Variants in GALNT13 observed in about 807,000 individuals in gnomAD.
The protein encoded by GALNT13 is polypeptide N-acetylgalactosaminyltransferase 13, also known as UDP-GalNAc:polypeptide N-acetylgalactosaminyltransferase 13.
In GALNT13, 28 loss-of-function variants were observed where a neutral mutation model predicts 64.2. The observed-to-expected ratio is 0.44, with a 90% CI of 0.32 to 0.60. The LOEUF (loss-of-function observed/expected upper bound fraction) is 0.60. Ranked by LOEUF, GALNT13 falls within the 20% of genes least tolerant of loss-of-function variation. GALNT13 has a pLI of 0.05. For missense variants in GALNT13, 577 were observed against 669.8 expected (o/e 0.86, Z 1.53); for synonymous variants, 214 against 224.6 (o/e 0.95, Z 0.42).
At chr2:153,374,717 G>A in the GALNT13 span, among the ~76,000 whole-genome samples, 13 of 152,070 alleles carry the variant, frequency 8.5e-5, no homozygotes, top group Non-Finnish European at 1.5e-4. Context: ...GAGGGAAGGA[G>A]ACTGAGGGCA....
chr2:153,387,249 A>G, the GALNT13 span, among the ~76,000 whole-genome samples: 1 of 152,138 alleles, frequency 6.6e-6, no homozygotes, highest in Non-Finnish European at 1.5e-5. Flanking sequence ...GCAGATTTAA[A>G]TAATATACAA....
At chr2:153,551,159 G>C in the GALNT13 span, among the ~76,000 whole-genome samples, 1 of 152,164 alleles carries the variant, frequency 6.6e-6, no homozygotes, top group Non-Finnish European at 1.5e-5. Context: ...CACCTGCCTT[G>C]TTTAGTCATT....
At chr2:153,722,866 A>C in the GALNT13 span, among the ~76,000 whole-genome samples, 2 of 150,978 alleles carry the variant, frequency 1.3e-5, no homozygotes, top group Non-Finnish European at 2.9e-5. Context: ...GCCGAATTCT[A>C]CCAGAGGTAC....
chr2:153,916,630 A>G (rs563000579), intron 2 of GALNT13, among the ~76,000 whole-genome samples: 25 of 152,262 alleles, frequency 1.6e-4, no homozygotes, highest in Admixed American at 2.6e-4. Flanking sequence ...CTGTGTTTAA[A>G]TGTTTCGGTG....
rs1202564472 is a variant in GALNT13 at position 154,140,436 on chromosome 2, A to G, written c.242A>G (p.Asn81Ser). The G allele has an allele frequency of 2.5e-6, 4 of 1,612,770 alleles. No individual in the cohort carries two copies. Among genetic ancestry groups the G allele is most frequent in the Non-Finnish European group, 2.5e-6 (3 of 1,179,056 alleles). Residue 81 changes from asparagine to serine, a missense_variant, in exon 4 of 13, where the codon AAT becomes AGT. This residue lies in a region of GALNT13 where 341 missense variants were observed against 379.3 expected (regional missense o/e 0.90). Transcript: ENST00000392825. ...AAAATGAAAGAGCTGTTTAAAATCA[A>G]TCAGTTTAACCTTATGGCCAGTGAT... ...QEKMKELFKI[N>S]QFNLMASDLI...
At chr2:153,794,684 C>A in the GALNT13 span, among the ~76,000 whole-genome samples, 9 of 152,162 alleles carry the variant, frequency 5.9e-5, no homozygotes, top group East Asian at 1.5e-3. Context: ...CTGCGCCCAG[C>A]TAATTTTTGT....
chr2:153,324,921 A>G, the GALNT13 span, among the ~76,000 whole-genome samples: 1 of 152,152 alleles, frequency 6.6e-6, no homozygotes, highest in African/African-American at 2.4e-5. Context: ...AATGTTCATC[A>G]GGGATATTGG....
intron 3 of GALNT13, among the ~76,000 whole-genome samples, chr2:154,016,216 T>A (rs1412948279): frequency 6.6e-6 from 1 of 152,208 alleles, no homozygotes; most frequent in Non-Finnish European, 1.5e-5. Context: ...CCATCTAAGC[T>A]TTTTAAATTG....
At chr2:153,253,306 G>C in the GALNT13 span, among the ~76,000 whole-genome samples, 2 of 145,502 alleles carry the variant, frequency 1.4e-5, no homozygotes, top group Non-Finnish European at 3.0e-5. Flanking sequence ...TGTGATTTTT[G>C]TACATTGATT....
intron 3 of GALNT13, among the ~76,000 whole-genome samples, chr2:154,087,354 G>T (rs117955699): frequency 6.6e-6 from 1 of 151,842 alleles, no homozygotes; most frequent in Non-Finnish European, 1.5e-5. Context: ...CACATTAACC[G>T]AAGACATGTT....
At chr2:154,410,973 T>G (rs1254661388) in intron 11 of GALNT13, among the ~76,000 whole-genome samples, 1 of 151,884 alleles carries the variant, frequency 6.6e-6, no homozygotes, top group East Asian at 1.9e-4. Flanking sequence ...TTGCTGGCAG[T>G]CCTATATCTT....
the GALNT13 span, among the ~76,000 whole-genome samples, chr2:153,219,547 A>G: frequency 6.6e-5 from 10 of 152,222 alleles, no homozygotes; most frequent in African/African-American, 2.2e-4. Context: ...GCTGAGCTAA[A>G]TAAGTACCAA....
At chr2:153,630,799 A>T in the GALNT13 span, among the ~76,000 whole-genome samples, 136 of 16,168 alleles carry the variant, frequency 8.4e-3, 3 homozygotes, top group South Asian at 0.039. Flanking sequence ...ATATATATAT[A>T]TATATATATT....
Position 154,139,326 on chromosome 2 carries a change from T to C in GALNT13, c.143-1011T>C, listed in dbSNP as rs143272777. Among the ~76,000 whole-genome samples, 68 of 151,974 alleles carry C rather than the reference T, an allele frequency of 4.5e-4. 2 individuals carry two copies. In the East Asian group the frequency reaches 0.012, roughly 27 times the overall value. Reference sequence around the variant, plus strand: ...ATGAAATGTTCTAACTTAAAAATTATTTTCATATGCATTATAGTCCTTATT... The same window carrying C: ...ATGAAATGTTCTAACTTAAAAATTACTTTCATATGCATTATAGTCCTTATT... On this transcript the variant is annotated intron_variant, in intron 3 of 12. Coordinates refer to ENST00000392825, the MANE Select transcript of GALNT13 (RefSeq NM_052917.4).
chr2:153,186,829 G>A, the GALNT13 span, among the ~76,000 whole-genome samples: 21 of 152,312 alleles, frequency 1.4e-4, no homozygotes, highest in African/African-American at 4.3e-4. Context: ...GCCTCCCAAA[G>A]TGCTGGGATT....
chr2:153,309,464 C>T, the GALNT13 span, among the ~76,000 whole-genome samples: 1 of 152,042 alleles, frequency 6.6e-6, no homozygotes, highest in South Asian at 2.1e-4. Flanking sequence ...AATAGAAAGT[C>T]ATCATCTTTC....
At chr2:153,894,907 G>C (rs1325761363) in intron 1 of GALNT13, among the ~76,000 whole-genome samples, 1 of 152,126 alleles carries the variant, frequency 6.6e-6, no homozygotes, top group African/African-American at 2.4e-5. Flanking sequence ...TGTGTAAAGG[G>C]AGGCATAGCT....
intron 3 of GALNT13, among the ~76,000 whole-genome samples, chr2:154,038,575 A>G (rs1698798517): frequency 6.6e-6 from 1 of 152,174 alleles, no homozygotes; most frequent in Admixed American, 6.6e-5. Flanking sequence ...AGACAACGTA[A>G]GTAGACTCCT....
the GALNT13 span, among the ~76,000 whole-genome samples, chr2:153,589,810 T>C: frequency 6.1e-3 from 923 of 152,180 alleles, 9 homozygotes; most frequent in Non-Finnish European, 9.8e-3. Context: ...CATGATTCAT[T>C]TACCTCCCAC....
Sources: gnomAD v4.1 joint callset for allele counts (sites outside exome capture counted in the v4.1 genomes callset) on GRCh38, gnomAD v4.1.1 for gene constraint, gnomAD v4.1.1 regional missense constraint, MANE v1.5 for transcripts, NCBI Gene and HGNC (gene_info 2026-07-23, HGNC 2026-07-21) for gene names.